Variants in SUPT16H observed in about 807,000 individuals in gnomAD.
The protein encoded by SUPT16H is SPT16 homolog, facilitates chromatin remodeling subunit.
A neutral mutation model predicts 136.2 loss-of-function variants in SUPT16H; 24 were observed. The observed-to-expected ratio is 0.18, with a 90% confidence interval of 0.13 to 0.25. SUPT16H has a LOEUF of 0.25. Among genes scored for constraint, SUPT16H ranks in the 10% least tolerant of loss-of-function variants. SUPT16H has a pLI of 1.00. For synonymous variants in SUPT16H, 415 were observed against 428.2 expected, an observed-to-expected ratio of 0.97 and a Z score of 0.38; for missense variants, 623 against 1,270.2, an observed-to-expected ratio of 0.49 and a Z score of 7.74.
chr14:21,380,177 A>C (rs1886991825), intron 1 of SUPT16H, among the ~76,000 whole-genome samples: 1 of 152,150 alleles, frequency 6.6e-6, no homozygotes, highest in African/African-American at 2.4e-5. Context: ...AAATAATGGG[A>C]GGATATACAT....
In SUPT16H at chr14:21,359,487, C is replaced by T. The variant is rs1186805233; in HGVS notation, c.2298G>A (p.Glu766=). 2 of 1,612,820 alleles carry T rather than the reference C, an allele frequency of 1.2e-6. No individual in the cohort carries two copies. Among genetic ancestry groups the T allele is most frequent in the African/African-American group, 2.7e-5 (2 of 74,894 alleles). ...TACAATACTAAATTTCACAAACCTG[C>T]TCAGCATAGAGGTCATCTCGGTCAT... ...HMHDRDDLYA[E]QMEREMRHKL... Residue 766 remains glutamate (E), a synonymous_variant, in exon 19 of 26, where the codon GAG becomes GAA. Transcript: ENST00000216297.
At chr14:21,379,125 A>C (rs1374168793) in intron 1 of SUPT16H, among the ~76,000 whole-genome samples, 1 of 152,184 alleles carries the variant, frequency 6.6e-6, no homozygotes, top group East Asian at 1.9e-4. Flanking sequence ...AATAGGGATA[A>C]AAAGTAAATA....
chr14:21,378,721 T>C (rs955162615), intron 1 of SUPT16H, among the ~76,000 whole-genome samples: 5 of 152,262 alleles, frequency 3.3e-5, no homozygotes, highest in African/African-American at 9.6e-5. Flanking sequence ...AATCAAGAAA[T>C]AGCAGTATAT....
In SUPT16H at chr14:21,373,227, T is replaced by C; in HGVS notation, c.159+111A>G. On this transcript the variant is annotated intron_variant, in intron 2 of 25. Coordinates refer to ENST00000216297, the MANE Select transcript of SUPT16H (RefSeq NM_007192.4). ...TCCCAAAGTGCTGGGATTACAGGCA[T>C]GAGCCACCGCAGCCAGCCAGGAATT... 3 of 875,098 alleles carry C rather than the reference T, an allele frequency of 3.4e-6. No individual in the cohort carries two copies. In the Admixed American group the frequency reaches 5.4e-5, roughly 16 times the overall value. The allele number at this position is 875,098 out of a possible 1,614,324, so 54.2% of individuals were successfully genotyped here.
At chr14:21,360,557 T>A (rs760713189) in intron 17 of SUPT16H, 24 bp from the exon 18 acceptor site, 1 of 1,590,662 alleles carries the variant, frequency 6.3e-7, no homozygotes, top group Non-Finnish European at 8.6e-7. Flanking sequence ...TGAAGAAATG[T>A]CAAGCAGTAT....
intron 1 of SUPT16H, among the ~76,000 whole-genome samples, chr14:21,380,296 A>AATTTTTTTTTTTT (rs549225327): frequency 8.9e-6 from 1 of 112,022 alleles, no homozygotes; most frequent in African/African-American, 3.2e-5. Flanking sequence ...GGAAGACTGA[A>AATTTTTTTTTTTT]TTTTTTTTTT....
At chr14:21,356,061 T>C (rs991250744) in intron 22 of SUPT16H, among the ~76,000 whole-genome samples, 2 of 152,204 alleles carry the variant, frequency 1.3e-5, no homozygotes, top group Non-Finnish European at 2.9e-5. Context: ...TAGCCTGCTA[T>C]GCAGGGAGGG....
At chr14:21,378,536 G>GTTC (rs1886954489) in intron 1 of SUPT16H, among the ~76,000 whole-genome samples, 1 of 152,104 alleles carries the variant, frequency 6.6e-6, no homozygotes, top group Non-Finnish European at 1.5e-5. Context: ...GGGGTGGTGG[G>GTTC]TATAAAGGGT....
intron 6 of SUPT16H, 87 bp downstream of exon 6, chr14:21,369,117 T>C: frequency 6.8e-7 from 1 of 1,465,096 alleles, no homozygotes; most frequent in South Asian, 1.4e-5. Flanking sequence ...CAAATTTCAG[T>C]GTACCCCACA....
intron 21 of SUPT16H, 48 bp downstream of exon 21, chr14:21,357,872 CCTTCTTT>C (rs1886468495): frequency 3.3e-6 from 5 of 1,501,822 alleles, no homozygotes; most frequent in Middle Eastern, 3.5e-4. Context: ...AAACACCTAT[CCTTCTTT>C]ATTTTCTCTA....
At chr14:21,373,505 G>T in intron 1 of SUPT16H, 75 bp from the exon 2 acceptor site, 1 of 1,082,954 alleles carries the variant, frequency 9.2e-7, no homozygotes, top group Non-Finnish European at 1.4e-6. Flanking sequence ...TATTTATCTA[G>T]GACAGGCATA....
Position 21,362,800 on chromosome 14 carries a change from T to C in SUPT16H, c.1659A>G (p.Thr553=), listed in dbSNP as rs868635283. ...FGIATPFHIA[T]IKNISMSVEG... is the part of the protein sequence containing the mutation. ...ATGCACTGAATGTCAGTACCTTGAT[T>C]GTGGCAATGTGAAACGGTGTTGCAA... is the stretch of plus-strand genomic sequence containing the variant. Residue 553 remains threonine, a synonymous_variant, in exon 14 of 26, where the codon ACA becomes ACG. Transcript: ENST00000216297. The C allele has an allele frequency of 1.9e-6, 3 of 1,603,418 alleles. No homozygotes were observed. In the African/African-American group the frequency reaches 4.0e-5, roughly 21 times the overall value.
intron 10 of SUPT16H, among the ~76,000 whole-genome samples, chr14:21,364,262 CA>C: frequency 6.6e-6 from 1 of 151,904 alleles, no homozygotes; most frequent in South Asian, 2.1e-4. Context: ...CACAAAAGAC[CA>C]CATAGGGTAT....
At chr14:21,365,866 A>C (rs1483630747) in intron 8 of SUPT16H, among the ~76,000 whole-genome samples, 3 of 152,106 alleles carry the variant, frequency 2.0e-5, no homozygotes, top group Non-Finnish European at 4.4e-5. Flanking sequence ...ACTTTGGGAG[A>C]TCAAGGTGGG....
intron 22 of SUPT16H, among the ~76,000 whole-genome samples, chr14:21,355,513 TAAAAAAAA>T (rs59639210): frequency 3.5e-5 from 4 of 113,614 alleles, no homozygotes; most frequent in Non-Finnish European, 7.2e-5. Flanking sequence ...ATAATAATAA[TAAAAAAAA>T]AAAAAAAAAA....
chr14:21,368,549 A>C, intron 6 of SUPT16H, 108 bp from the exon 7 acceptor site: 1 of 1,235,450 alleles, frequency 8.1e-7, no homozygotes, highest in Non-Finnish European at 1.1e-6. Context: ...CCATATCCCA[A>C]AGCTGTGGCT....
Position 21,362,721 on chromosome 14 carries a change from A to G in SUPT16H, c.1665+73T>C, listed in dbSNP as rs1886582972. ...AAAGTGGGAGACATGATGAATGCAG[A>G]TTATTTATGGCAAATACAATTACTA... On this transcript the variant is annotated intron_variant, in intron 14 of 25. Transcript: ENST00000216297. The G allele has an allele frequency of 4.6e-6, 7 of 1,505,792 alleles. 1 individual carries two copies. In the South Asian group the frequency reaches 7.9e-5, roughly 17 times the overall value. The allele number at this position is 1,505,792 out of a possible 1,614,324, so 93.3% of individuals were successfully genotyped here. A position where few individuals can be genotyped will look rare whatever the true frequency, so the allele number is the denominator to read the frequency against.
chr14:21,354,930 G>A (rs1170216164), intron 22 of SUPT16H: 1 of 164,088 alleles, frequency 6.1e-6, no homozygotes. Context: ...ACCAGATCAT[G>A]TCCCAATGGC....
chr14:21,360,743 C>G lies in SUPT16H; in HGVS notation c.2056+103G>C. The G allele has an allele frequency of 2.7e-6, 4 of 1,504,304 alleles. No homozygotes were observed. In the South Asian group the frequency reaches 4.0e-5, roughly 15 times the overall value. The allele number at this position is 1,504,304 out of a possible 1,614,324, so 93.2% of individuals were successfully genotyped here. ...TAGCACCATGCTTTAACCAACTGAG[C>G]TAACCGGCGGATGGCTCTTTGTCAT... On this transcript the variant is annotated intron_variant, in intron 17 of 25. Coordinates refer to ENST00000216297, the MANE Select transcript of SUPT16H (RefSeq NM_007192.4).
Sources: gnomAD v4.1 joint callset for allele counts (sites outside exome capture counted in the v4.1 genomes callset) on GRCh38, gnomAD v4.1.1 for gene constraint, MANE v1.5 for transcripts, NCBI Gene and HGNC (gene_info 2026-07-23, HGNC 2026-07-21) for gene names.